RBFOX1: variants seen among roughly 807,000 people sequenced by gnomAD.
RBFOX1 encodes the protein RNA binding protein fox-1 homolog 1.
In RBFOX1, 8 loss-of-function variants were observed where a neutral mutation model predicts 57.7. The ratio of observed to expected loss-of-function variants is 0.14; its 90% confidence interval spans 0.08 to 0.25. The LOEUF is 0.25. RBFOX1 is among the 10% of genes least tolerant of loss of function. The pLI is 1.00. For synonymous variants in RBFOX1, 326 were observed against 222.4 expected (o/e 1.47, Z -4.15); for missense variants, 611 against 548.5 (o/e 1.11, Z -1.14).
chr16:7,001,941 C>T (rs774099971), intron 3 of RBFOX1, among the ~76,000 whole-genome samples: 3 of 151,878 alleles, frequency 2.0e-5, no homozygotes, highest in Non-Finnish European at 4.4e-5. Flanking sequence ...CTTTTTTTCT[C>T]CTGGAGTTTC....
intron 5 of RBFOX1, among the ~76,000 whole-genome samples, chr16:7,578,749 G>C: frequency 6.7e-6 from 1 of 148,288 alleles, no homozygotes; most frequent in East Asian, 2.0e-4. Context: ...GGCATTTACT[G>C]CCAGCTGGAG....
At chr16:5,487,082 G>C (rs938894625) in intron 2 of RBFOX1, among the ~76,000 whole-genome samples, 1 of 152,152 alleles carries the variant, frequency 6.6e-6, no homozygotes, top group African/African-American at 2.4e-5. Flanking sequence ...TCAGGGATCA[G>C]TGTAGGTGTC....
chr16:6,941,549 T>A (rs1398813383), intron 3 of RBFOX1, among the ~76,000 whole-genome samples: 2 of 152,082 alleles, frequency 1.3e-5, no homozygotes, highest in East Asian at 3.9e-4. Context: ...TTCTCACACC[T>A]GTCCACCAAG....
chr16:5,736,581 T>G (rs766958973), intron 3 of RBFOX1, among the ~76,000 whole-genome samples: 2 of 152,132 alleles, frequency 1.3e-5, no homozygotes, highest in Non-Finnish European at 2.9e-5. Flanking sequence ...GAAAGCCCTG[T>G]GAAGAGTTGA....
intron 4 of RBFOX1, among the ~76,000 whole-genome samples, chr16:5,957,179 A>G (rs1299332800): frequency 2.0e-5 from 3 of 152,140 alleles, no homozygotes; most frequent in African/African-American, 7.2e-5. Context: ...TTGATATGCT[A>G]CGATCACACT....
intron 4 of RBFOX1, among the ~76,000 whole-genome samples, chr16:7,194,011 T>C (rs540601055): frequency 2.6e-5 from 4 of 152,218 alleles, no homozygotes; most frequent in East Asian, 1.9e-4. Context: ...AGCCGTATCA[T>C]ATTATTATGG....
At chr16:6,712,807 C>T (rs1043089789) in intron 3 of RBFOX1, among the ~76,000 whole-genome samples, 1 of 149,984 alleles carries the variant, frequency 6.7e-6, no homozygotes, top group Non-Finnish European at 1.5e-5. Flanking sequence ...ACCCAAATTT[C>T]ATCTTGAATT....
chr16:5,834,811 T>C (rs1251201050), intron 3 of RBFOX1, among the ~76,000 whole-genome samples: 1 of 146,358 alleles, frequency 6.8e-6, no homozygotes, highest in African/African-American at 2.6e-5. Flanking sequence ...GATAGATAGA[T>C]AGATAGATAG....
intron 3 of RBFOX1, among the ~76,000 whole-genome samples, chr16:6,673,474 G>A (rs2098780682): frequency 6.6e-6 from 1 of 152,116 alleles, no homozygotes; most frequent in South Asian, 2.1e-4. Context: ...TGTAATCCCA[G>A]CTACTGGGGA....
chr16:6,815,060 C>T (rs931215044), intron 3 of RBFOX1, among the ~76,000 whole-genome samples: 5 of 152,080 alleles, frequency 3.3e-5, no homozygotes, highest in South Asian at 4.1e-4. Context: ...TAGTTTTTCC[C>T]GGAAAGCGGT....
intron 3 of RBFOX1, among the ~76,000 whole-genome samples, chr16:6,840,641 C>G (rs2093406247): frequency 6.6e-6 from 1 of 151,994 alleles, no homozygotes; most frequent in Non-Finnish European, 1.5e-5. Flanking sequence ...ATAACCCCAG[C>G]ACTTTGGGAG....
At chr16:7,519,649 T>C (rs2077099353) in intron 5 of RBFOX1, 3 of 980,488 alleles carry the variant, frequency 3.1e-6, no homozygotes, top group Non-Finnish European at 3.6e-6. Context: ...TGGGAACCTT[T>C]TTCTGCAGAA....
At chr16:6,557,922 C>T (rs995050469) in intron 2 of RBFOX1, among the ~76,000 whole-genome samples, 1 of 152,168 alleles carries the variant, frequency 6.6e-6, no homozygotes, top group African/African-American at 2.4e-5. Context: ...CGATATACTG[C>T]TTATGGCATG....
intron 14 of RBFOX1, among the ~76,000 whole-genome samples, chr16:7,707,510 C>T (rs1382314802): frequency 6.6e-6 from 1 of 152,146 alleles, no homozygotes; most frequent in Non-Finnish European, 1.5e-5. Flanking sequence ...CTTGTTCCTT[C>T]ATTCAGGAAA....
rs143013475 is a variant in RBFOX1, at chr16:6,713,562, A to C, written c.-16+58912A>C. ...CCCCTCCCCAGTTGAGACAACCACAAATCTCTCCAGATATTTTCAAGTGTC... is the reference window on the plus strand; with the variant it reads ...CCCCTCCCCAGTTGAGACAACCACACATCTCTCCAGATATTTTCAAGTGTC... On this transcript the variant is annotated intron_variant, in intron 3 of 15. Coordinates refer to ENST00000550418, the MANE Select transcript of RBFOX1 (RefSeq NM_018723.4). 1.9e-3 allele frequency among the ~76,000 whole-genome samples: 287 copies of C among 152,136 alleles called. 1 individual carries two copies. The highest frequency in any genetic ancestry group is 6.5e-3 in the African/African-American group (268 of 41,526).
At chr16:6,500,976 T>G (rs542721658) in intron 2 of RBFOX1, among the ~76,000 whole-genome samples, 2 of 151,230 alleles carry the variant, frequency 1.3e-5, no homozygotes, top group African/African-American at 4.9e-5. Flanking sequence ...CTGTCTTTTC[T>G]TCCTATCCTT....
At chr16:6,738,761 A>G (rs561746571) in intron 3 of RBFOX1, among the ~76,000 whole-genome samples, 135 of 152,292 alleles carry the variant, frequency 8.9e-4, no homozygotes, top group Admixed American at 2.3e-3. Flanking sequence ...CAGCAAATGT[A>G]AAGACAGTGA....
intron 3 of RBFOX1, among the ~76,000 whole-genome samples, chr16:5,818,145 C>A (rs574244472): frequency 6.6e-6 from 1 of 152,266 alleles, no homozygotes; most frequent in East Asian, 1.9e-4. Context: ...CATCACCATC[C>A]TTAGCATTGT....
At chr16:6,961,151 A>T (rs2082914452) in intron 3 of RBFOX1, among the ~76,000 whole-genome samples, 1 of 150,324 alleles carries the variant, frequency 6.7e-6, no homozygotes, top group African/African-American at 2.4e-5. Flanking sequence ...ACACCCACAC[A>T]GACACACACA....
Sources: gnomAD v4.1 joint callset for allele counts (sites outside exome capture counted in the v4.1 genomes callset) on GRCh38, gnomAD v4.1.1 for gene constraint, MANE v1.5 for transcripts, NCBI Gene and HGNC (gene_info 2026-07-23, HGNC 2026-07-21) for gene names.